Variants in ANK2 observed in about 807,000 individuals in gnomAD.
ANK2 encodes the protein ankyrin-2.
Under a neutral mutation model 360.5 loss-of-function variants are expected in ANK2, and 83 were observed. That is an observed-to-expected ratio of 0.23 (90% CI 0.19 to 0.28). The LOEUF (loss-of-function observed/expected upper bound fraction) is 0.28, where lower values mean the gene tolerates loss of function less well. Ranked by LOEUF, ANK2 falls within the 10% of genes least tolerant of loss-of-function variation. ANK2 has a pLI of 1.00. For synonymous variants in ANK2, 1,740 were observed against 1,759.5 expected (o/e 0.99, Z 0.28); for missense variants, 4,201 against 4,795.7 (o/e 0.88, Z 3.66).
chr4:113,201,857 G>A lies in ANK2; in HGVS notation c.384+2748G>A, dbSNP rs1387334493. Reference sequence around the variant, plus strand: ...GCTTTTATTTATAAGGTATAATCATGCCAAATTATAACAGATCTTAAAAGA... The same window carrying A: ...GCTTTTATTTATAAGGTATAATCATACCAAATTATAACAGATCTTAAAAGA... On this transcript the variant is annotated intron_variant, in intron 4 of 45. Transcript: ENST00000357077. Among the ~76,000 whole-genome samples the A allele has an allele frequency of 3.3e-5, 5 of 152,178 alleles. No homozygotes were observed. The South Asian group carries it at 8.3e-4, about 25-fold the overall frequency.
At chr4:113,366,692 G>A (rs377136746) in intron 41 of ANK2, among the ~76,000 whole-genome samples, 24 of 151,994 alleles carry the variant, frequency 1.6e-4, no homozygotes, top group African/African-American at 5.3e-4. Flanking sequence ...TTAGGTCACT[G>A]CTCAAATATC....
chr4:113,045,174 T>C (rs1300244890), upstream of ANK2, among the ~76,000 whole-genome samples: 1 of 152,184 alleles, frequency 6.6e-6, no homozygotes, highest in East Asian at 1.9e-4. Context: ...TTAGAGTTCT[T>C]AATACTATTA....
chr4:113,343,226 C>T (rs2153984185), intron 34 of ANK2, 84 bp downstream of exon 34: 1 of 1,463,174 alleles, frequency 6.8e-7, no homozygotes, highest in African/African-American at 1.4e-5. Flanking sequence ...AAAATTTTCG[C>T]TTTTCAGTCA....
In ANK2 at chr4:113,318,171, A is replaced by G. The variant is rs116250719; in HGVS notation, c.2797-346A>G. ...TACAGGTTAAGTTATATCTTTCAAT[A>G]TTTAAAATTGTTAGCTATGAGAAAG... On this transcript the variant is annotated intron_variant, in intron 25 of 45. Transcript: ENST00000357077. Among the ~76,000 whole-genome samples, 4,629 of 152,314 alleles carry G rather than the reference A, an allele frequency of 0.03. 246 individuals are homozygous for G. The highest frequency in any genetic ancestry group is 0.11 in the African/African-American group (4,412 of 41,562).
At chr4:113,199,214 T>G in intron 4 of ANK2, 105 bp downstream of exon 4, 1 of 897,644 alleles carries the variant, frequency 1.1e-6, no homozygotes, top group Non-Finnish European at 1.8e-6. Context: ...AAATTTATTA[T>G]AAGTGCTTTG....
chr4:112,868,057 T>A (rs2071386376), intron 1 of ANK2, among the ~76,000 whole-genome samples: 4 of 152,196 alleles, frequency 2.6e-5, no homozygotes, highest in African/African-American at 9.6e-5. Context: ...ATATCCTCGC[T>A]AACATTTGTT....
chr4:113,069,771 A>T (rs1231497650), intron 1 of ANK2: 2 of 152,134 alleles, frequency 1.3e-5, no homozygotes, highest in African/African-American at 4.8e-5. Flanking sequence ...TTGTACCTTT[A>T]ACACAGTTTC....
At chr4:113,345,793 C>T in intron 34 of ANK2, 107 bp from the exon 35 acceptor site, 1 of 1,430,754 alleles carries the variant, frequency 7.0e-7, no homozygotes, top group African/African-American at 1.4e-5. Flanking sequence ...TGAGTTCTTA[C>T]CTAGCAGTAA....
chr4:113,031,493 G>A (rs1210336555), intron 2 of ANK2: 1 of 151,968 alleles, frequency 6.6e-6, no homozygotes, highest in African/African-American at 2.4e-5. Context: ...AGGGATAGAG[G>A]CACTTAAAAT....
At chr4:112,900,699 C>T (rs192710623) in intron 1 of ANK2, among the ~76,000 whole-genome samples, 5 of 152,286 alleles carry the variant, frequency 3.3e-5, no homozygotes, top group East Asian at 3.9e-4. Flanking sequence ...TCTCCTTCCC[C>T]CCAATTTCCA....
At chr4:113,204,789 G>A (rs867434595) in intron 4 of ANK2, among the ~76,000 whole-genome samples, 3 of 152,050 alleles carry the variant, frequency 2.0e-5, no homozygotes, top group African/African-American at 4.8e-5. Context: ...TTGCCTAGGC[G>A]CTTAGATGCT....
chr4:112,777,570 A>C, the ANK2 span, among the ~76,000 whole-genome samples: 15 of 150,668 alleles, frequency 1.0e-4, no homozygotes, highest in African/African-American at 3.7e-4. Context: ...CTGCTAATAA[A>C]GATACTGAAA....
chr4:112,899,871 C>A (rs2082774966), intron 1 of ANK2, among the ~76,000 whole-genome samples: 1 of 152,084 alleles, frequency 6.6e-6, no homozygotes, highest in Non-Finnish European at 1.5e-5. Context: ...CTTTGAACAA[C>A]CCCCTGCACA....
intron 4 of ANK2, among the ~76,000 whole-genome samples, chr4:113,211,498 G>A (rs1013868506): frequency 1.3e-5 from 2 of 152,236 alleles, no homozygotes; most frequent in African/African-American, 4.8e-5. Context: ...TGTGCATTGT[G>A]TTTTGACCAA....
intron 1 of ANK2, among the ~76,000 whole-genome samples, chr4:112,852,345 CTGA>C (rs2065214207): frequency 6.6e-6 from 1 of 152,216 alleles, no homozygotes; most frequent in South Asian, 2.1e-4. Flanking sequence ...GATCACACCT[CTGA>C]GATTGTACTT....
intron 4 of ANK2, among the ~76,000 whole-genome samples, chr4:113,203,796 C>T (rs1584776469): frequency 1.3e-5 from 2 of 152,236 alleles, no homozygotes; most frequent in East Asian, 3.9e-4. Context: ...TCTTCATCCC[C>T]AGGCAATATT....
chr4:112,752,083 C>A, the ANK2 span, among the ~76,000 whole-genome samples: 14 of 152,174 alleles, frequency 9.2e-5, no homozygotes, highest in Admixed American at 9.2e-4. Flanking sequence ...AACCTGATCC[C>A]CACTCCTAGA....
intron 1 of ANK2, chr4:113,160,230 T>C: frequency 3.6e-6 from 1 of 274,800 alleles, no homozygotes; most frequent in Non-Finnish European, 7.1e-6. Context: ...TAAAGGAAAC[T>C]TAAAAAAATT....
At chr4:113,110,328 C>A (rs1026174164) in intron 1 of ANK2, among the ~76,000 whole-genome samples, 1 of 152,162 alleles carries the variant, frequency 6.6e-6, no homozygotes. Flanking sequence ...CACTGGGTCC[C>A]TCCCATGACA....
Sources: allele counts gnomAD v4.1 joint callset (sites outside exome capture counted in the v4.1 genomes callset), GRCh38; gene constraint gnomAD v4.1.1; transcripts MANE v1.5; gene names NCBI Gene and HGNC (gene_info 2026-07-23, HGNC 2026-07-21).